The following KCNT2 variants were observed in gnomAD, a reference collection of about 807,000 sequenced individuals.
KCNT2 encodes the protein potassium sodium-activated channel subfamily T member 2, also known as potassium channel subfamily T member 2.
A neutral mutation model predicts 153.8 loss-of-function variants in KCNT2; 67 were observed. The observed-to-expected ratio is 0.44, with a 90% CI of 0.36 to 0.53. The LOEUF is 0.53. Among genes scored for constraint, KCNT2 ranks in the 20% least tolerant of loss-of-function variants. The pLI, the probability that KCNT2 is intolerant of heterozygous loss-of-function variation, is 0.00. For missense variants in KCNT2, 975 were observed against 1,354.8 expected (o/e 0.72, Z 4.40); for synonymous variants, 500 against 458.8 (o/e 1.09, Z -1.15).
chr1:196,376,732 AAAAG>A (rs1479565335), intron 13 of KCNT2, among the ~76,000 whole-genome samples: 2 of 152,032 alleles, frequency 1.3e-5, no homozygotes, highest in Non-Finnish European at 1.5e-5. Context: ...AACCAATTAA[AAAAG>A]AAAGAAGGAG....
At chr1:196,262,797 T>A (rs2147795951) in intron 25 of KCNT2, among the ~76,000 whole-genome samples, 1 of 152,178 alleles carries the variant, frequency 6.6e-6, no homozygotes, top group African/African-American at 2.4e-5. Flanking sequence ...GAATAAACAA[T>A]CTTATAGTCT....
intron 4 of KCNT2, among the ~76,000 whole-genome samples, chr1:196,481,042 T>C (rs956571076): frequency 6.6e-6 from 1 of 152,122 alleles, no homozygotes; most frequent in Non-Finnish European, 1.5e-5. Flanking sequence ...TACATTTTAA[T>C]GAACATTTCA....
chr1:196,362,404 G>A (rs1667708310), intron 14 of KCNT2, among the ~76,000 whole-genome samples: 2 of 151,994 alleles, frequency 1.3e-5, no homozygotes, highest in South Asian at 4.2e-4. Context: ...CTGGATGCCG[G>A]AGCATGACAG....
rs561719011 is a variant in KCNT2 at position 196,416,911 on chromosome 1, C to T, written c.1185+6139G>A. ...TACCCATTAACCATCCCAATCTCCC[C>T]GTCACCACTCCCCCACTACCCTTCC... On this transcript the variant is annotated intron_variant, in intron 12 of 27. Transcript: ENST00000294725. Among the ~76,000 whole-genome samples, 3 of 152,048 alleles carry T rather than the reference C, an allele frequency of 2.0e-5. No homozygotes were observed. In the East Asian group the frequency reaches 5.8e-4, roughly 30 times the overall value.
chr1:196,337,489 A>G (rs1665149326), intron 16 of KCNT2, among the ~76,000 whole-genome samples: 1 of 152,064 alleles, frequency 6.6e-6, no homozygotes, highest in African/African-American at 2.4e-5. Context: ...AGAAGCTGCA[A>G]TCCCATATGG....
At chr1:196,381,894 C>A (rs1055800313) in intron 13 of KCNT2, among the ~76,000 whole-genome samples, 1 of 152,058 alleles carries the variant, frequency 6.6e-6, no homozygotes, top group African/African-American at 2.4e-5. Context: ...TGTAGCTGAA[C>A]TAAAATAATT....
rs1050456562 is a variant in KCNT2 at position 196,548,550 on chromosome 1, G to A, written c.96-56209C>T. The stretch of plus-strand genomic sequence containing the variant: ...GGAGAAATAGGAACACTTTTACACT[G>A]TTGGTGGGACTGTAAACTAGTTCAA... On this transcript the variant is annotated intron_variant, in intron 1 of 27. Transcript: ENST00000294725. 2.6e-5 allele frequency among the ~76,000 whole-genome samples: 4 copies of A among 152,034 alleles called. No individual in the cohort carries two copies. In the East Asian group the frequency reaches 5.8e-4, roughly 22 times the overall value.
intron 1 of KCNT2, among the ~76,000 whole-genome samples, chr1:196,499,002 G>T (rs192636054): frequency 6.6e-6 from 1 of 152,238 alleles, no homozygotes; most frequent in Admixed American, 6.5e-5. Context: ...TACTATAATA[G>T]GGTGAGCCCT....
intron 17 of KCNT2, among the ~76,000 whole-genome samples, chr1:196,333,538 T>C (rs1664695315): frequency 6.6e-6 from 1 of 152,022 alleles, no homozygotes; most frequent in African/African-American, 2.4e-5. Context: ...AACCATACAA[T>C]TATGAAAATG....
chr1:196,430,619 C>A (rs903495565), intron 8 of KCNT2, among the ~76,000 whole-genome samples: 2 of 151,952 alleles, frequency 1.3e-5, no homozygotes, highest in Non-Finnish European at 2.9e-5. Flanking sequence ...TATGGCAGCA[C>A]AAAATGGACT....
intron 8 of KCNT2, among the ~76,000 whole-genome samples, chr1:196,440,232 A>G (rs1447521300): frequency 1.3e-5 from 2 of 151,898 alleles, no homozygotes; most frequent in Non-Finnish European, 2.9e-5. Context: ...GGATTTTTAA[A>G]CCCATCATTT....
chr1:196,592,736 TA>T (rs1259547345), intron 1 of KCNT2, among the ~76,000 whole-genome samples: 1 of 147,324 alleles, frequency 6.8e-6, no homozygotes. Context: ...TACATATATA[TA>T]TATAGTCAGA....
In KCNT2 at chr1:196,491,277, A is replaced by G. The variant is rs548266080; in HGVS notation, c.175+985T>C. Among the ~76,000 whole-genome samples, 5 of 152,142 alleles carry G rather than the reference A, an allele frequency of 3.3e-5. No homozygotes were observed. The South Asian group carries it at 1.0e-3, about 31-fold the overall frequency. ...TGGATATTCTGAACAACCATGTTAG[A>G]AAAACATTAGTTGCTAACAGTCTTA... On this transcript the variant is annotated intron_variant, in intron 2 of 27. Transcript: ENST00000294725.
At chr1:196,286,111 AAAG>A (rs1659633219) in intron 22 of KCNT2, among the ~76,000 whole-genome samples, 1 of 152,140 alleles carries the variant, frequency 6.6e-6, no homozygotes, top group Admixed American at 6.6e-5. Flanking sequence ...TGAACACTGT[AAAG>A]AAGACCTGCT....
At chr1:196,236,582 T>C (rs1654463027) in intron 26 of KCNT2, among the ~76,000 whole-genome samples, 1 of 151,576 alleles carries the variant, frequency 6.6e-6, no homozygotes, top group African/African-American at 2.4e-5. Flanking sequence ...ACACATCTCA[T>C]GTAACTCATC....
intron 26 of KCNT2, among the ~76,000 whole-genome samples, chr1:196,245,875 C>T (rs145996633): frequency 3.3e-5 from 5 of 152,164 alleles, no homozygotes; most frequent in African/African-American, 9.6e-5. Flanking sequence ...AAGGGCAAAT[C>T]TAAGAGTTAC....
At chr1:196,385,505 T>A (rs1344865355) in intron 13 of KCNT2, among the ~76,000 whole-genome samples, 1 of 151,970 alleles carries the variant, frequency 6.6e-6, no homozygotes, top group African/African-American at 2.4e-5. Context: ...TTGCTACTAA[T>A]TTCAGAATAT....
intron 1 of KCNT2, among the ~76,000 whole-genome samples, chr1:196,509,497 T>A (rs565246583): frequency 6.6e-6 from 1 of 152,280 alleles, no homozygotes; most frequent in East Asian, 1.9e-4. Flanking sequence ...CAGTGATCAG[T>A]TTTATAAAGT....
intron 1 of KCNT2, among the ~76,000 whole-genome samples, chr1:196,507,286 G>GA (rs947440869): frequency 2.6e-5 from 4 of 152,220 alleles, no homozygotes; most frequent in Admixed American, 6.5e-5. Context: ...AGTTCTATCA[G>GA]AAAAATTATC....
Sources: gnomAD v4.1 joint callset for allele counts (sites outside exome capture counted in the v4.1 genomes callset) on GRCh38, gnomAD v4.1.1 for gene constraint, MANE v1.5 for transcripts, NCBI Gene and HGNC (gene_info 2026-07-23, HGNC 2026-07-21) for gene names.